The following ELP4 variants were observed in gnomAD, a reference collection of about 807,000 sequenced individuals.
ELP4 encodes elongator acetyltransferase complex subunit 4.
In ELP4, 51 loss-of-function variants were observed where a neutral mutation model predicts 48.9. That is an observed-to-expected ratio of 1.04 (90% CI 0.83 to 1.32). ELP4 has a LOEUF of 1.32. Ranked by LOEUF, ELP4 falls within the 40% of genes most tolerant of loss-of-function variation. ELP4 has a pLI of 0.00. For synonymous variants in ELP4, 210 were observed against 189.2 expected, an observed-to-expected ratio of 1.11 and a Z score of -0.90; for missense variants, 519 against 514.6, an observed-to-expected ratio of 1.01 and a Z score of -0.08.
rs1956493690 is a variant in ELP4, at chr11:31,535,929, C to T, written c.260-3733C>T. 2.6e-5 allele frequency among the ~76,000 whole-genome samples: 4 copies of T among 151,986 alleles called. No homozygotes were observed. The South Asian group carries it at 8.3e-4, about 32-fold the overall frequency. ...CATGTTGTTGCATGTATAGTCAGGC[C>T]TCTGTATTAGCATGTACCACATCCT... On this transcript the variant is annotated intron_variant, in intron 2 of 9. Transcript: ENST00000640961.
At chr11:31,730,946 G>A (rs1258238813) in intron 9 of ELP4, among the ~76,000 whole-genome samples, 2 of 151,870 alleles carry the variant, frequency 1.3e-5, no homozygotes, top group African/African-American at 4.8e-5. Flanking sequence ...AGGAATCAGA[G>A]GGAGCAAGAG....
chr11:31,554,793 T>C (rs75260188), intron 3 of ELP4, among the ~76,000 whole-genome samples: 4,024 of 152,266 alleles, frequency 0.026, 166 homozygotes, highest in African/African-American at 0.091. Context: ...AACTAAGGAA[T>C]GTGTTCTAGT....
intron 9 of ELP4, among the ~76,000 whole-genome samples, chr11:31,760,958 G>C (rs1486633340): frequency 1.3e-5 from 2 of 152,090 alleles, no homozygotes; most frequent in African/African-American, 2.4e-5. Context: ...AGGAACTATG[G>C]GGCTTAAATT....
chr11:31,543,043 A>C (rs1270443444), intron 3 of ELP4, among the ~76,000 whole-genome samples: 4 of 152,182 alleles, frequency 2.6e-5, no homozygotes, highest in Non-Finnish European at 4.4e-5. Flanking sequence ...TAGACACTGA[A>C]AAAGAAAAGA....
At chr11:31,597,341 G>A (rs1429931085) in intron 4 of ELP4, among the ~76,000 whole-genome samples, 1 of 152,152 alleles carries the variant, frequency 6.6e-6, no homozygotes, top group African/African-American at 2.4e-5. Context: ...ATCAGAAGTT[G>A]TTACAGATAT....
chr11:31,669,796 T>C (rs958113314), intron 9 of ELP4, among the ~76,000 whole-genome samples: 2 of 152,208 alleles, frequency 1.3e-5, no homozygotes, highest in African/African-American at 4.8e-5. Context: ...GTCTAGGTTG[T>C]CTGTTTCATG....
Position 31,733,349 on chromosome 11 carries a change from C to T in ELP4, c.1144-50044C>T, listed in dbSNP as rs528345571. 2.1e-4 allele frequency among the ~76,000 whole-genome samples: 32 copies of T among 151,784 alleles called. 1 individual carries two copies. The South Asian group carries it at 6.5e-3, about 31-fold the overall frequency. ...AAGCCTAGCCAGGAGTGGTGGCGTA[C>T]ACCTGTACTCCCAGCTACTCCAGAG... is the stretch of plus-strand genomic sequence containing the variant. On this transcript the variant is annotated intron_variant, in intron 9 of 9. Coordinates refer to ENST00000640961, the MANE Select transcript of ELP4 (RefSeq NM_019040.5).
chr11:31,682,668 A>C (rs1946078110), intron 9 of ELP4, among the ~76,000 whole-genome samples: 1 of 152,194 alleles, frequency 6.6e-6, no homozygotes. Flanking sequence ...GTATTAACAC[A>C]ACTCCTACCC....
At chr11:31,529,826 G>T (rs1956365068) in intron 2 of ELP4, among the ~76,000 whole-genome samples, 1 of 152,136 alleles carries the variant, frequency 6.6e-6, no homozygotes, top group Non-Finnish European at 1.5e-5. Flanking sequence ...ACCTCTTTGA[G>T]GGGTTCTTCA....
At chr11:31,605,753 A>G (rs1957863191) in intron 5 of ELP4, among the ~76,000 whole-genome samples, 1 of 152,144 alleles carries the variant, frequency 6.6e-6, no homozygotes, top group Non-Finnish European at 1.5e-5. Context: ...TTTCCAAGTC[A>G]GGTACTCTCC....
At chr11:31,572,286 C>A (rs936780574) in intron 3 of ELP4, among the ~76,000 whole-genome samples, 1 of 152,138 alleles carries the variant, frequency 6.6e-6, no homozygotes, top group African/African-American at 2.4e-5. Context: ...TAACTTCCAG[C>A]TTTTTTTCTG....
At chr11:31,535,346 T>C (rs1490640320) in intron 2 of ELP4, among the ~76,000 whole-genome samples, 3 of 152,180 alleles carry the variant, frequency 2.0e-5, no homozygotes, top group Non-Finnish European at 4.4e-5. Flanking sequence ...TTATTTATTT[T>C]ATTGAATTAT....
At chr11:31,582,658 A>G (rs941317651) in intron 3 of ELP4, among the ~76,000 whole-genome samples, 1 of 152,164 alleles carries the variant, frequency 6.6e-6, no homozygotes, top group African/African-American at 2.4e-5. Flanking sequence ...TTCATATTCA[A>G]GAGTGAGGGA....
chr11:31,738,581 C>G (rs899785665), intron 9 of ELP4, among the ~76,000 whole-genome samples: 2 of 151,750 alleles, frequency 1.3e-5, no homozygotes, highest in African/African-American at 2.4e-5. Context: ...ACAAAAAATA[C>G]AAAAGTTTGC....
rs898843553 is a variant in ELP4, at chr11:31,547,513, G to C, written c.381+7730G>C. ...TAATCAATAGCTTACCAACCAAAAA[G>C]AGTGCAGGACCAGATGGATTCACAG... is the stretch of plus-strand genomic sequence containing the variant. On this transcript the variant is annotated intron_variant, in intron 3 of 9. Coordinates refer to ENST00000640961, the MANE Select transcript of ELP4 (RefSeq NM_019040.5). Among the ~76,000 whole-genome samples, 523 of 152,182 alleles carry C rather than the reference G, an allele frequency of 3.4e-3. 1 individual carries two copies. The highest frequency in any genetic ancestry group is 6.4e-3 in the Non-Finnish European group (437 of 67,994).
intron 9 of ELP4, among the ~76,000 whole-genome samples, chr11:31,733,315 A>C (rs1206949898): frequency 1.3e-5 from 2 of 151,946 alleles, no homozygotes; most frequent in African/African-American, 2.4e-5. Context: ...ATCTCTACTA[A>C]AAATACAAAA....
intron 9 of ELP4, among the ~76,000 whole-genome samples, chr11:31,763,076 C>A: frequency 6.9e-6 from 1 of 145,248 alleles, no homozygotes. Context: ...TCTTTAAATG[C>A]AATTCTGTAT....
intron 7 of ELP4, among the ~76,000 whole-genome samples, chr11:31,638,681 C>T (rs1405460481): frequency 6.6e-6 from 1 of 151,788 alleles, no homozygotes; most frequent in African/African-American, 2.4e-5. Context: ...TTTGAACCTA[C>T]TGAAGTGAAT....
intron 9 of ELP4, among the ~76,000 whole-genome samples, chr11:31,669,642 C>T (rs933054169): frequency 6.6e-6 from 1 of 152,104 alleles, no homozygotes; most frequent in African/African-American, 2.4e-5. Flanking sequence ...TCTTTTTCTT[C>T]CTCAGTCATT....
Sources: allele counts gnomAD v4.1 joint callset (sites outside exome capture counted in the v4.1 genomes callset), GRCh38; gene constraint gnomAD v4.1.1; transcripts MANE v1.5; gene names NCBI Gene and HGNC (gene_info 2026-07-23, HGNC 2026-07-21).